Variants in SFPQ observed in about 807,000 individuals in gnomAD.
The protein encoded by SFPQ is splicing factor, proline- and glutamine-rich.
A neutral mutation model predicts 72.9 loss-of-function variants in SFPQ; 11 were observed. The observed-to-expected ratio is 0.15, with a 90% CI of 0.09 to 0.25. The LOEUF is 0.25. SFPQ is among the 10% of genes least tolerant of loss of function. The probability of loss-of-function intolerance (pLI) is 1.00; values close to 1 mark genes in which losing one functional copy is unlikely to be tolerated. For missense variants in SFPQ, 847 were observed against 993.3 expected, an observed-to-expected ratio of 0.85 and a Z score of 1.98; for synonymous variants, 506 against 367.3, an observed-to-expected ratio of 1.38 and a Z score of -4.32.
chr1:35,176,871 C>G (rs1448597981), intron 5 of SFPQ, among the ~76,000 whole-genome samples: 7 of 124,048 alleles, frequency 5.6e-5, no homozygotes, highest in African/African-American at 2.5e-4. Context: ...AAGACTCCGT[C>G]TCAAAAAAAA....
chr1:35,181,918 T>C, downstream of SFPQ: 1 of 985,338 alleles, frequency 1.0e-6, no homozygotes, highest in Non-Finnish European at 1.2e-6. Flanking sequence ...TCAAATGTCA[T>C]TTGAAACTAA....
downstream of SFPQ, chr1:35,182,195 C>T: frequency 1.0e-6 from 1 of 985,408 alleles, no homozygotes; most frequent in Non-Finnish European, 1.2e-6. Context: ...AAAGTTCACC[C>T]TCTGTGGGTG....
At chr1:35,188,859 G>C in intron 6 of SFPQ, 144 bp downstream of exon 6, 1 of 658,984 alleles carries the variant, frequency 1.5e-6, no homozygotes, top group East Asian at 2.7e-5. Flanking sequence ...TGATCGGGAG[G>C]CTGAGGCAAG....
downstream of SFPQ, chr1:35,180,833 A>T: frequency 1.0e-5 from 10 of 985,312 alleles, no homozygotes; most frequent in Non-Finnish European, 1.2e-5. Flanking sequence ...TCTCCCCCAC[A>T]CCACTGATGT....
At chr1:35,182,746 G>C, downstream of SFPQ, 1 of 985,382 alleles carries the variant, frequency 1.0e-6, no homozygotes, top group Non-Finnish European at 1.2e-6. Context: ...ACGTAACTCA[G>C]AACAAAGCCA....
rs1255274177 is a variant in SFPQ, at chr1:35,192,249, G to A, written c.801C>T (p.Arg267=). 6.8e-7 allele frequency: 1 copy of A among 1,463,232 alleles called. No individual in the cohort carries two copies. Among genetic ancestry groups the A allele is most frequent in the Non-Finnish European group, 9.0e-7 (1 of 1,115,064 alleles). 90.6% of individuals were successfully genotyped at this position (1,463,232 alleles called of 1,614,324 possible). A position where few individuals can be genotyped will look rare whatever the true frequency, so the allele number is the denominator to read the frequency against. ...QGPPPGGPGG[R]SEEKISDSEG... ...CCGAGTCCGAGATCTTCTCCTCGCT[G>A]CGGCCGCCGGGCCCGCCGGGCGGGG... The change falls in exon 1 of 10, where the codon CGC becomes CGT. Residue 267 remains arginine, a synonymous_variant. Coordinates refer to ENST00000357214, the MANE Select transcript of SFPQ (RefSeq NM_005066.3).
At position 35,183,802 on chromosome 1, in the gene SFPQ, T is replaced by C. The variant is rs892651688; in HGVS notation, c.*654A>G. ...CAAACCCACTTTCACCCCCTACCAA[T>C]TGTCTTACACCCATTCCACAATCTT... On this transcript the variant is annotated 3_prime_UTR_variant, in exon 10 of 10. Transcript: ENST00000357214. The C allele has an allele frequency of 4.6e-5, 49 of 1,054,926 alleles. No individual in the cohort carries two copies. The Admixed American group carries it at 1.5e-3, about 32-fold the overall frequency. The allele number at this position is 1,054,926 out of a possible 1,614,324, so 65.3% of individuals were successfully genotyped here. A position where few individuals can be genotyped will look rare whatever the true frequency, so the allele number is the denominator to read the frequency against.
chr1:35,192,315 G>C lies in SFPQ; in HGVS notation c.735C>G (p.Arg245=), dbSNP rs1640058033. The change falls in exon 1 of 10, where the codon CGC becomes CGG. Residue 245 remains arginine, a synonymous_variant. Transcript: ENST00000357214. The part of the protein sequence containing the change: ...HRGGGEPRGG[R]QHHPPYHQQH... The stretch of plus-strand genomic sequence containing the variant: ...GCTGGTGGTAGGGCGGGTGGTGCTG[G>C]CGGCCCCCGCGGGGCTCCCCGCCGC... 7.0e-7 allele frequency: 1 copy of C among 1,430,070 alleles called. No homozygotes were observed. The highest frequency in any genetic ancestry group is 1.5e-5 in the African/African-American group (1 of 65,876). 88.6% of individuals were successfully genotyped at this position (1,430,070 alleles called of 1,614,324 possible).
downstream of SFPQ, chr1:35,180,122 A>G: frequency 1.9e-6 from 2 of 1,048,914 alleles, no homozygotes; most frequent in Non-Finnish European, 2.3e-6. Context: ...ACACAGAAGA[A>G]AAGTCTCATA....
downstream of SFPQ, chr1:35,182,383 A>G (rs1325885667): frequency 4.1e-6 from 4 of 985,272 alleles, no homozygotes; most frequent in South Asian, 9.4e-5. Context: ...TAATCATGGT[A>G]AAACTACTCA....
chr1:35,182,090 A>T, downstream of SFPQ: 1 of 985,392 alleles, frequency 1.0e-6, no homozygotes, highest in South Asian at 4.7e-5. Context: ...AGCATCCCTT[A>T]TAAAGAAAGG....
chr1:35,178,531 G>A (rs1425525586), downstream of SFPQ: 3 of 1,061,584 alleles, frequency 2.8e-6, no homozygotes, highest in Non-Finnish European at 3.4e-6. Context: ...TGTAGTTGTT[G>A]TCCTGCAATC....
chr1:35,182,217 A>AC (rs1217300351), downstream of SFPQ: 26 of 985,204 alleles, frequency 2.6e-5, no homozygotes, highest in Non-Finnish European at 3.1e-5. Context: ...CCCATGGAAC[A>AC]CCCCTTATTT....
In SFPQ at chr1:35,191,666, G is replaced by C. The variant is rs371768165; in HGVS notation, c.829-137C>G. The C allele has an allele frequency of 7.8e-6, 5 of 644,754 alleles. No homozygotes were observed. The Admixed American group carries it at 9.0e-5, about 12-fold the overall frequency. The allele number at this position is 644,754 out of a possible 1,614,324, so 39.9% of individuals were successfully genotyped here. A position where few individuals can be genotyped will look rare whatever the true frequency, so the allele number is the denominator to read the frequency against. On this transcript the variant is annotated intron_variant, in intron 1 of 9. Transcript: ENST00000357214. ...TCAAAATCAAGGTTTTACTATGTGAGATTTCTAACATGAGCACTATCTTAA... is the reference window on the plus strand; with the variant it reads ...TCAAAATCAAGGTTTTACTATGTGACATTTCTAACATGAGCACTATCTTAA...
At chr1:35,192,013 C>T (rs1233744985) in intron 1 of SFPQ, among the ~76,000 whole-genome samples, 1 of 152,014 alleles carries the variant, frequency 6.6e-6, no homozygotes, top group African/African-American at 2.4e-5. Flanking sequence ...GAAACCTCCC[C>T]TAGCCTTCCG....
At chr1:35,181,983 T>A, downstream of SFPQ, 7 of 985,368 alleles carry the variant, frequency 7.1e-6, no homozygotes, top group Non-Finnish European at 8.4e-6. Context: ...AGTAAGGGTA[T>A]CAAAAGCCAC....
chr1:35,179,985 T>C (rs1639399463), downstream of SFPQ: 1 of 1,050,274 alleles, frequency 9.5e-7, no homozygotes. Flanking sequence ...GAGGCTAAAC[T>C]AGTCATCATT....
chr1:35,181,569 T>C, downstream of SFPQ: 3 of 1,061,842 alleles, frequency 2.8e-6, no homozygotes, highest in Non-Finnish European at 3.4e-6. Context: ...GCTTATAAAA[T>C]ACCTATTAAA....
chr1:35,182,503 G>A (rs1047935749), downstream of SFPQ: 1 of 985,372 alleles, frequency 1.0e-6, no homozygotes, highest in Non-Finnish European at 1.2e-6. Flanking sequence ...TTGGTGAGAT[G>A]CTTTTATACA....
Sources: allele counts gnomAD v4.1 joint callset (sites outside exome capture counted in the v4.1 genomes callset), GRCh38; gene constraint gnomAD v4.1.1; transcripts MANE v1.5; gene names NCBI Gene and HGNC (gene_info 2026-07-23, HGNC 2026-07-21).